The following MICALL1 variants were observed in gnomAD, a reference collection of about 807,000 sequenced individuals.
MICALL1 encodes MICAL like 1.
In MICALL1, 61 loss-of-function variants were observed where a neutral mutation model predicts 83.7. The ratio of observed to expected loss-of-function variants is 0.73; its 90% CI spans 0.59 to 0.90. The LOEUF is 0.90. Among genes scored for constraint, MICALL1 ranks in the 40% least tolerant of loss-of-function variants. The pLI is 0.00. For missense variants in MICALL1, 1,066 were observed against 1,152.0 expected (o/e 0.93, Z 1.08); for synonymous variants, 481 against 473.6 (o/e 1.02, Z -0.20).
rs575509153 is a variant in MICALL1 at position 37,924,702 on chromosome 22, C to A, written c.1067C>A (p.Pro356Gln). 34 of 1,611,936 alleles carry A rather than the reference C, an allele frequency of 2.1e-5. No individual in the cohort carries two copies. The highest frequency in any genetic ancestry group is 2.7e-5 in the Non-Finnish European group (32 of 1,178,956). The change falls in exon 7 of 16, where the codon CCG becomes CAG. Residue 356 changes from proline (P) to glutamine (Q), a missense_variant. Transcript: ENST00000215957. This position sits in a 1 kb window ranked among gnomAD's most constrained non-coding sequence, Gnocchi z 5.2. Reference sequence around the variant, plus strand: ...CCTGTCCCCAAGCCGAGGGGGACACCGAAGCCGTCCGAGGGGTATGTCGAT... The same window carrying A: ...CCTGTCCCCAAGCCGAGGGGGACACAGAAGCCGTCCGAGGGGTATGTCGAT... ...ELPVPKPRGT[P>Q]KPSEGTPAPR...
chr22:37,921,440 G>C (rs1018096385), intron 5 of MICALL1, among the ~76,000 whole-genome samples: 4 of 152,106 alleles, frequency 2.6e-5, no homozygotes, highest in African/African-American at 9.7e-5. Flanking sequence ...AGGTGTGGTG[G>C]CAGATGCCTG....
intron 13 of MICALL1, among the ~76,000 whole-genome samples, chr22:37,935,606 G>T (rs2077736679): frequency 6.6e-6 from 1 of 151,652 alleles, no homozygotes; most frequent in Admixed American, 6.6e-5. Flanking sequence ...AGGCTGAAGT[G>T]CAATGGCGTG....
At position 37,922,125 on chromosome 22, in the gene MICALL1, C is replaced by G. The variant is rs372702873; in HGVS notation, c.723C>G (p.His241Gln). 1.2e-5 allele frequency: 19 copies of G among 1,613,178 alleles called. No individual in the cohort carries two copies. The highest frequency in any genetic ancestry group is 1.6e-5 in the Non-Finnish European group (19 of 1,180,006). Residue 241 changes from histidine (H) to glutamine (Q), a missense_variant, in exon 6 of 16, where the codon CAC becomes CAG. By Grantham distance (24) the His-to-Gln change is conservative (BLOSUM62 0). Coordinates refer to ENST00000215957, the MANE Select transcript of MICALL1 (RefSeq NM_033386.4). ...PGPFSQPKQQ[H>Q]QQQLAEDAKD... ...CCTTCTCACAGCCAAAGCAGCAGCA[C>G]CAGCAGCAACTCGCAGAAGATGCCA...
At position 37,917,711 on chromosome 22, in the gene MICALL1, T is replaced by C; in HGVS notation, c.342T>C (p.Gly114=). ...YNHFCSPGQA[G]VSPPRKGLAP... ...CCCTTTCTCATCTCTTGGCAGCTGG[T>C]GTCTCGCCACCCAGAAAGGGCCTTG... Residue 114 remains glycine, a synonymous_variant, in exon 4 of 16, where the codon GGT becomes GGC. Coordinates refer to ENST00000215957, the MANE Select transcript of MICALL1 (RefSeq NM_033386.4). 6.2e-7 allele frequency: 1 copy of C among 1,613,608 alleles called. No homozygotes were observed. The highest frequency in any genetic ancestry group is 1.1e-5 in the South Asian group (1 of 91,072).
intron 5 of MICALL1, among the ~76,000 whole-genome samples, chr22:37,920,437 AAC>A (rs1171961406): frequency 1.3e-5 from 2 of 151,896 alleles, no homozygotes; most frequent in Admixed American, 6.6e-5. Context: ...AGACTCTACC[AAC>A]ACAGTCACAT....
chr22:37,913,593 A>G (rs1250644071), intron 3 of MICALL1, among the ~76,000 whole-genome samples: 1 of 152,184 alleles, frequency 6.6e-6, no homozygotes, highest in Non-Finnish European at 1.5e-5. Context: ...CCAGAGTTGC[A>G]GGGGCTACAA....
Position 37,922,270 on chromosome 22 carries a change from C to A in MICALL1, c.868C>A (p.Leu290Ile). 1 of 1,579,608 alleles carries A rather than the reference C, an allele frequency of 6.3e-7. No individual in the cohort carries two copies. Among genetic ancestry groups the A allele is most frequent in the Admixed American group, 1.8e-5 (1 of 54,978 alleles). Residue 290 changes from leucine to isoleucine, a missense_variant, in exon 6 of 16, where the codon CTA becomes ATA. By Grantham distance (5) the Leu-to-Ile change is conservative. Coordinates refer to ENST00000215957, the MANE Select transcript of MICALL1 (RefSeq NM_033386.4). ...TACCAAGCCCCGGGTTCCTGGCAAA[C>A]TACAGGAGCTGGCCAGCCCCCCTGC... ...IPTKPRVPGKLQELASPPAGR... is the reference protein window; with the variant it reads ...IPTKPRVPGKIQELASPPAGR...
chr22:37,921,505 G>A (rs368112943), intron 5 of MICALL1, among the ~76,000 whole-genome samples: 5 of 152,116 alleles, frequency 3.3e-5, no homozygotes, highest in South Asian at 2.1e-4. Context: ...CCCGAGAGGC[G>A]GAGGTTGCAG....
Position 37,918,943 on chromosome 22 carries a change from G to T in MICALL1, c.427-93G>T, listed in dbSNP as rs73884001. The T allele has an allele frequency of 8.5e-3, 11,732 of 1,386,564 alleles. 588 individuals are homozygous for T. The African/African-American group carries it at 0.13, about 15-fold the overall frequency. 85.9% of individuals were successfully genotyped at this position (1,386,564 alleles called of 1,614,324 possible). On this transcript the variant is annotated intron_variant, in intron 4 of 15. Coordinates refer to ENST00000215957, the MANE Select transcript of MICALL1 (RefSeq NM_033386.4). The stretch of plus-strand genomic sequence containing the variant: ...AAGCCTGGTGCACACTTGAGTGACG[G>T]TGGCCGTTGGAGGGAGGGAGAGGGC...
At position 37,922,228 on chromosome 22, in the gene MICALL1, G is replaced by A. The variant is rs1461008016; in HGVS notation, c.826G>A (p.Ala276Thr). The A allele has an allele frequency of 6.2e-7, 1 of 1,607,450 alleles. No homozygotes were observed. ...CGATGGACCCAAGGCCAGCCCTGAGGCCCGGCCGCAGATCCCTACCAAGCC... is the reference window on the plus strand; with the variant it reads ...CGATGGACCCAAGGCCAGCCCTGAGACCCGGCCGCAGATCCCTACCAAGCC... The part of the protein sequence containing the change: ...EADGPKASPE[A>T]RPQIPTKPRV... The change falls in exon 6 of 16, where the codon GCC (alanine) becomes ACC (threonine). Residue 276 changes from alanine (A) to threonine (T), a missense_variant. Transcript: ENST00000215957.
chr22:37,934,915 A>T (rs1601834897), intron 13 of MICALL1, among the ~76,000 whole-genome samples: 2 of 138,638 alleles, frequency 1.4e-5, no homozygotes, highest in Admixed American at 7.5e-5. Flanking sequence ...TATTTATTTT[A>T]TTTTATTTAT....
intron 1 of MICALL1, among the ~76,000 whole-genome samples, chr22:37,909,268 G>C (rs879935614): frequency 3.3e-5 from 5 of 151,808 alleles, no homozygotes; most frequent in African/African-American, 1.2e-4. Flanking sequence ...TGGCCAGGCT[G>C]GTCTCGAACT....
intron 1 of MICALL1, among the ~76,000 whole-genome samples, chr22:37,911,436 G>A (rs1460221815): frequency 1.3e-5 from 2 of 152,214 alleles, no homozygotes; most frequent in Non-Finnish European, 2.9e-5. Context: ...CCAGACATGT[G>A]GATTCCCAGG....
Position 37,925,800 on chromosome 22 carries a change from G to C in MICALL1, c.1222G>C (p.Glu408Gln), listed in dbSNP as rs1219978019. 6.2e-7 allele frequency: 1 copy of C among 1,613,632 alleles called. No individual in the cohort carries two copies. The highest frequency in any genetic ancestry group is 1.7e-5 in the Admixed American group (1 of 60,008). The change falls in exon 8 of 16, where the codon GAG becomes CAG. Residue 408 changes from glutamate to glutamine, a missense_variant. Glu to Gln is a conservative substitution (Grantham distance 29, BLOSUM62 2). Coordinates refer to ENST00000215957, the MANE Select transcript of MICALL1 (RefSeq NM_033386.4). ...CAGGCAGGTGGAGAATGGAGGCACC[G>C]AGGAGGTGGCCCAGCCGAGCCCAAC... ...DSRQVENGGTEEVAQPSPTAS... is the reference protein window; with the variant it reads ...DSRQVENGGTQEVAQPSPTAS...
At chr22:37,914,064 TG>T (rs1928512988) in intron 3 of MICALL1, among the ~76,000 whole-genome samples, 1 of 150,962 alleles carries the variant, frequency 6.6e-6, no homozygotes, top group Admixed American at 6.6e-5. Flanking sequence ...TTAGTAGAGA[TG>T]GGGTTTCGCC....
rs540303488 is a variant in MICALL1 at position 37,906,632 on chromosome 22, C to G, written c.146+64C>G. On this transcript the variant is annotated intron_variant, in intron 1 of 15. Transcript: ENST00000215957. The surrounding 1 kb of genome is among the most constrained non-coding windows in gnomAD (Gnocchi z 4.4). ...GGGCTGGGGCCGCGACCGCCGCCCC[C>G]CCTCAGTAACACGAAGCCCGGGCGG... 1,097 of 1,132,392 alleles carry G rather than the reference C, an allele frequency of 9.7e-4. 12 individuals carry two copies. The African/African-American group carries it at 0.017, about 17-fold the overall frequency. The allele number at this position is 1,132,392 out of a possible 1,614,324, so 70.1% of individuals were successfully genotyped here.
chr22:37,928,775 G>C (rs747472711), intron 9 of MICALL1, among the ~76,000 whole-genome samples: 1 of 152,150 alleles, frequency 6.6e-6, no homozygotes, highest in Non-Finnish European at 1.5e-5. Context: ...TTGTCTGTCC[G>C]CTCTTCCATT....
At chr22:37,931,700 G>A in intron 9 of MICALL1, 99 bp from the exon 10 acceptor site, 2 of 1,453,868 alleles carry the variant, frequency 1.4e-6, no homozygotes, top group East Asian at 2.3e-5. Context: ...GCTGGCCCTG[G>A]AGTGCTGGCC....
Position 37,941,127 on chromosome 22 carries a change from AG to A in MICALL1, c.*301del. ...GCAAATAGGGTCCCAGGGTCCAGGG[AG>A]GGGCGCCTGCTGAGCACTTCCGCCC... On this transcript the variant is annotated 3_prime_UTR_variant, in exon 16 of 16. Transcript: ENST00000215957. 1 of 281,860 alleles carries A rather than the reference AG, an allele frequency of 3.5e-6. No homozygotes were observed. The highest frequency in any genetic ancestry group is 7.6e-5 in the East Asian group (1 of 13,136). 17.5% of individuals were successfully genotyped at this position (281,860 alleles called of 1,614,324 possible).
Sources: allele counts gnomAD v4.1 joint callset (sites outside exome capture counted in the v4.1 genomes callset), GRCh38; gene constraint gnomAD v4.1.1; non-coding constraint Gnocchi (gnomAD v3.1); transcripts MANE v1.5; gene names NCBI Gene and HGNC (gene_info 2026-07-23, HGNC 2026-07-21).